SHLD2: variants seen among roughly 807,000 people sequenced by gnomAD.
SHLD2 encodes the protein RINN1-REV7-interacting novel NHEJ regulator 2.
Under a neutral mutation model 73.2 loss-of-function variants are expected in SHLD2, and 30 were observed. The ratio of observed to expected loss-of-function variants is 0.41; its 90% CI spans 0.31 to 0.56. The LOEUF is 0.56. SHLD2 is among the 20% of genes least tolerant of loss of function. SHLD2 has a pLI of 0.28. For synonymous variants in SHLD2, 285 were observed against 370.1 expected, an observed-to-expected ratio of 0.77 and a Z score of 2.64; for missense variants, 745 against 1,055.9, an observed-to-expected ratio of 0.71 and a Z score of 4.08.
At position 87,163,346 on chromosome 10, in the gene SHLD2, A is replaced by G. The variant is rs9420457; in HGVS notation, c.1633+5191A>G. ...GAGATTGGTCACCTACAGGGGGCAC[A>G]TAGGAGAGGGGTGGAAGAAAGTGGG... On this transcript the variant is annotated intron_variant, in intron 4 of 9. Transcript: ENST00000298786. Among the ~76,000 whole-genome samples the G allele has an allele frequency of 7.9e-5, 12 of 152,322 alleles. No homozygotes were observed. The East Asian group carries it at 1.2e-3, about 15-fold the overall frequency.
intron 6 of SHLD2, among the ~76,000 whole-genome samples, chr10:87,171,873 A>G (rs541744008): frequency 6.6e-6 from 1 of 152,182 alleles, no homozygotes; most frequent in East Asian, 1.9e-4. Context: ...GCTGACAAAC[A>G]TGTATCAGTG....
intron 2 of SHLD2, among the ~76,000 whole-genome samples, chr10:87,122,146 T>C (rs1258982293): frequency 7.2e-5 from 10 of 139,782 alleles, no homozygotes; most frequent in Admixed American, 2.2e-4. Context: ...GTTTTTTTTT[T>C]CCATGTTGTC....
At chr10:87,112,227 G>A (rs1446719592) in intron 2 of SHLD2, among the ~76,000 whole-genome samples, 8 of 139,192 alleles carry the variant, frequency 5.7e-5, no homozygotes, top group Admixed American at 5.0e-4. Context: ...GACAGAGCGA[G>A]ACTCCGTCTC....
chr10:87,094,704 C>G, upstream of SHLD2: 1 of 1,499,052 alleles, frequency 6.7e-7, no homozygotes, highest in South Asian at 1.3e-5. The surrounding 1 kb of genome is among the most constrained non-coding windows in gnomAD (Gnocchi z 6.6). Flanking sequence ...AGTCGGCGGA[C>G]GCCGAGCCCA....
chr10:87,120,228 GTATTTATT>G (rs10623819), intron 2 of SHLD2, among the ~76,000 whole-genome samples: 20 of 145,244 alleles, frequency 1.4e-4, no homozygotes, highest in Admixed American at 3.5e-4. Flanking sequence ...AAGTGTTGAG[GTATTTATT>G]TATTTATTTA....
At chr10:87,155,668 C>A (rs1400807398) in intron 3 of SHLD2, among the ~76,000 whole-genome samples, 1 of 151,600 alleles carries the variant, frequency 6.6e-6, no homozygotes. Flanking sequence ...TTAATGTCAG[C>A]AGGGACCTCT....
chr10:87,102,238 C>G (rs1842315217), intron 2 of SHLD2, among the ~76,000 whole-genome samples: 1 of 152,106 alleles, frequency 6.6e-6, no homozygotes, highest in Admixed American at 6.6e-5. Context: ...CTCTTTTGGT[C>G]TTGGGACTAC....
chr10:87,147,297 A>T (rs1845696464), intron 2 of SHLD2, among the ~76,000 whole-genome samples: 1 of 151,986 alleles, frequency 6.6e-6, no homozygotes, highest in Non-Finnish European at 1.5e-5. Flanking sequence ...TAGTTATATG[A>T]ATGGGATTGG....
At chr10:87,180,625 A>G (rs1001698680) in intron 8 of SHLD2, among the ~76,000 whole-genome samples, 2 of 152,230 alleles carry the variant, frequency 1.3e-5, no homozygotes, top group South Asian at 2.1e-4. Flanking sequence ...CCACCTTAAC[A>G]TAGAATTTAA....
At chr10:87,189,798 A>G (rs1174172512) in intron 9 of SHLD2, among the ~76,000 whole-genome samples, 1 of 152,140 alleles carries the variant, frequency 6.6e-6, no homozygotes, top group Non-Finnish European at 1.5e-5. Flanking sequence ...AGTATTTTTT[A>G]TTATTGAGAT....
At chr10:87,100,087 A>G (rs563814610) in intron 2 of SHLD2, among the ~76,000 whole-genome samples, 5 of 152,292 alleles carry the variant, frequency 3.3e-5, no homozygotes, top group Non-Finnish European at 7.4e-5. Context: ...GTGACTTTGA[A>G]GCACAAAAGT....
intron 2 of SHLD2, among the ~76,000 whole-genome samples, chr10:87,117,275 T>G (rs1394045879): frequency 6.6e-6 from 1 of 151,828 alleles, no homozygotes; most frequent in Non-Finnish European, 1.5e-5. Context: ...CAAAATTAGC[T>G]GGGCGTGGTG....
At chr10:87,186,624 C>T (rs1255739191) in intron 8 of SHLD2, among the ~76,000 whole-genome samples, 2 of 100,914 alleles carry the variant, frequency 2.0e-5, no homozygotes, top group Non-Finnish European at 4.5e-5. Context: ...AAATGTTCTT[C>T]ATTCTTTTTA....
At position 87,120,093 on chromosome 10, in the gene SHLD2, T is replaced by A. The variant is rs868206723; in HGVS notation, c.-6+23104T>A. Among the ~76,000 whole-genome samples the A allele has an allele frequency of 7.9e-5, 12 of 152,144 alleles. 1 individual carries two copies. Among genetic ancestry groups the A allele is most frequent in the Middle Eastern group, 6.8e-3 (2 of 294 alleles). ...TAGTGATAGGTATTAATGAGCTGAA[T>A]TTGATTTCTAGTTCCAACTCTGTCC... On this transcript the variant is annotated intron_variant, in intron 2 of 9. Coordinates refer to ENST00000298786, the MANE Select transcript of SHLD2 (RefSeq NM_001330112.2).
rs775524006 is a variant in SHLD2 at position 87,152,252 on chromosome 10, T to A, written c.898T>A (p.Tyr300Asn). The A allele has an allele frequency of 6.4e-7, 1 of 1,566,770 alleles. No homozygotes were observed. Among genetic ancestry groups the A allele is most frequent in the East Asian group, 2.3e-5 (1 of 43,962 alleles). The stretch of plus-strand genomic sequence containing the variant: ...TCAGCTTGATGGTTTTACAGAAGCA[T>A]ATGAAAGTGGACAAAACCAAGCATA... ...SIQLDGFTEA[Y>N]ESGQNQAYSL... The change falls in exon 3 of 10, where the codon TAT becomes AAT. Residue 300 changes from tyrosine (Y) to asparagine (N), a missense_variant. Tyr to Asn is a moderately radical substitution (Grantham distance 143). Around this residue, in one of 5 missense-constraint regions of SHLD2, gnomAD observed 280 missense variants for 353.9 expected, o/e 0.79. Transcript: ENST00000298786.
At chr10:87,094,959 GC>G, upstream of SHLD2, 1 of 255,048 alleles carries the variant, frequency 3.9e-6, no homozygotes, top group Non-Finnish European at 7.2e-6. This position sits in a 1 kb window ranked among gnomAD's most constrained non-coding sequence, Gnocchi z 6.6. Context: ...ACAGGGCGCC[GC>G]CCAGGGCGCC....
chr10:87,128,169 C>T (rs557913175), intron 2 of SHLD2, among the ~76,000 whole-genome samples: 144 of 152,302 alleles, frequency 9.5e-4, no homozygotes, highest in South Asian at 1.9e-3. Flanking sequence ...ATTTCCTCCT[C>T]TCATAGGTAA....
intron 4 of SHLD2, among the ~76,000 whole-genome samples, chr10:87,164,914 C>T (rs925797509): frequency 1.4e-4 from 22 of 152,038 alleles, no homozygotes; most frequent in African/African-American, 4.8e-4. Flanking sequence ...TGGCCATGCT[C>T]AGTGGTTCAT....
intron 4 of SHLD2, among the ~76,000 whole-genome samples, chr10:87,162,121 G>A (rs1325440012): frequency 6.6e-6 from 1 of 151,986 alleles, no homozygotes; most frequent in African/African-American, 2.4e-5. Context: ...ACACCATATG[G>A]ATTAATAGTC....
Sources: gnomAD v4.1 joint callset for allele counts (sites outside exome capture counted in the v4.1 genomes callset) on GRCh38, gnomAD v4.1.1 for gene constraint, gnomAD v4.1.1 regional missense constraint, Gnocchi (gnomAD v3.1) non-coding constraint, MANE v1.5 for transcripts, NCBI Gene and HGNC (gene_info 2026-07-23, HGNC 2026-07-21) for gene names.